Variants in ECPAS observed in about 807,000 individuals in gnomAD.
ECPAS encodes the protein Ecm29 proteasome adaptor and scaffold, also known as proteasome adapter and scaffold protein ECM29.
ECPAS carries 70 observed loss-of-function variants against 255.1 expected under a neutral mutation model. That is an observed-to-expected ratio of 0.27 (90% CI 0.23 to 0.33). The LOEUF (loss-of-function observed/expected upper bound fraction) is 0.33. Ranked by LOEUF, ECPAS falls within the 10% of genes least tolerant of loss-of-function variation. The pLI, the probability that ECPAS is intolerant of heterozygous loss-of-function variation, is 1.00. For missense variants in ECPAS, 1,817 were observed against 2,206.4 expected, an observed-to-expected ratio of 0.82 and a Z score of 3.54; for synonymous variants, 784 against 775.0, an observed-to-expected ratio of 1.01 and a Z score of -0.19.
At chr9:111,399,263 C>T (rs1306179998) in intron 24 of ECPAS, among the ~76,000 whole-genome samples, 2 of 152,048 alleles carry the variant, frequency 1.3e-5, no homozygotes, top group Non-Finnish European at 2.9e-5. Flanking sequence ...ACTGAACTAT[C>T]CACCAAAAAA....
chr9:111,484,030 G>T, intron 1 of ECPAS, 86 bp downstream of exon 1: 1 of 1,049,638 alleles, frequency 9.5e-7, no homozygotes. Flanking sequence ...GACTCGACAC[G>T]CGGCGGCCTG....
intron 2 of ECPAS, among the ~76,000 whole-genome samples, chr9:111,459,855 C>T (rs1024046287): frequency 1.1e-4 from 16 of 152,196 alleles, no homozygotes; most frequent in African/African-American, 2.9e-4. Flanking sequence ...CTTATGAATT[C>T]GCTGGTAAAT....
Position 111,372,452 on chromosome 9 carries a change from T to C in ECPAS, c.4505A>G (p.Glu1502Gly). 6.2e-7 allele frequency: 1 copy of C among 1,613,792 alleles called. No individual in the cohort carries two copies. The highest frequency in any genetic ancestry group is 8.5e-7 in the Non-Finnish European group (1 of 1,179,754). ...SEKEECNLWTEVWQENVPGSF... is the reference protein window; with the variant it reads ...SEKEECNLWTGVWQENVPGSF... ...ACCAGGTACGTTTTCCTGCCACACT[T>C]CGGTCCATAAATTACATTCTTCTTT... is the stretch of plus-strand genomic sequence containing the variant. Residue 1502 changes from glutamate (E) to glycine (G), a missense_variant, in exon 42 of 50, where the codon GAA (glutamate) becomes GGA (glycine). Glu to Gly is a moderately conservative substitution (Grantham distance 98). This residue lies in a region of ECPAS where 960 missense variants were observed against 1,179.0 expected (regional missense o/e 0.81). Transcript: ENST00000684092.
At chr9:111,406,621 G>A (rs532755263) in intron 24 of ECPAS, among the ~76,000 whole-genome samples, 1 of 149,834 alleles carries the variant, frequency 6.7e-6, no homozygotes, top group East Asian at 2.0e-4. Flanking sequence ...AATTAAAAAT[G>A]GGCGAGGCAC....
Position 111,373,234 on chromosome 9 carries a change from G to A in ECPAS, c.4272C>T (p.Thr1424=), listed in dbSNP as rs777150240. ...GTTTTTCAGTGCTGCTATCCCGTGA[G>A]GTCTGAAAAAGAAACAATCCTAAGT... The part of the protein sequence containing the change: ...CAFAMGHLVR[T]SRDSSTEKLL... The change falls in exon 41 of 50, where the codon ACC becomes ACT. Residue 1424 remains threonine, a splice_region_variant and synonymous_variant. Coordinates refer to ENST00000684092, the MANE Select transcript of ECPAS (RefSeq NM_001364929.1). 4.3e-6 allele frequency: 7 copies of A among 1,613,502 alleles called. No homozygotes were observed. The South Asian group carries it at 7.7e-5, about 18-fold the overall frequency.
intron 4 of ECPAS, among the ~76,000 whole-genome samples, chr9:111,442,823 A>C (rs1378501472): frequency 1.3e-5 from 2 of 152,140 alleles, no homozygotes; most frequent in African/African-American, 4.8e-5. Context: ...CTAGGCTGCC[A>C]TTTCCCACTG....
At chr9:111,382,008 A>AACACACACAC (rs72204951) in intron 35 of ECPAS, among the ~76,000 whole-genome samples, 236 of 147,118 alleles carry the variant, frequency 1.6e-3, no homozygotes, top group African/African-American at 5.4e-3. Context: ...AATTTTGTAA[A>AACACACACAC]ACACACACAC....
chr9:111,432,547 G>A (rs1302280773), intron 8 of ECPAS, among the ~76,000 whole-genome samples: 1 of 152,218 alleles, frequency 6.6e-6, no homozygotes, highest in African/African-American at 2.4e-5. Context: ...CTGGTAGGTG[G>A]AGGTTGCAGT....
In ECPAS at chr9:111,474,445, C is replaced by A. The variant is rs552095377; in HGVS notation, c.-82-1445G>T. On this transcript the variant is annotated intron_variant, in intron 1 of 49. Coordinates refer to ENST00000684092, the MANE Select transcript of ECPAS (RefSeq NM_001364929.1). Reference sequence around the variant, plus strand: ...GCCAAATCCACTTCCACTGTCCCAACTCAGACCCTAAGTTTCTTTTTACTT... The same window carrying A: ...GCCAAATCCACTTCCACTGTCCCAAATCAGACCCTAAGTTTCTTTTTACTT... 2.6e-5 allele frequency among the ~76,000 whole-genome samples: 4 copies of A among 152,354 alleles called. No homozygotes were observed. In the East Asian group the frequency reaches 5.8e-4, roughly 22 times the overall value.
chr9:111,418,093 G>A (rs1479277558), intron 16 of ECPAS, 87 bp from the exon 17 acceptor site: 8 of 1,224,254 alleles, frequency 6.5e-6, no homozygotes, highest in Non-Finnish European at 8.8e-6. Flanking sequence ...AATTTTATTT[G>A]GCAGCTAGAG....
Position 111,425,430 on chromosome 9 carries a change from A to C in ECPAS, c.1203T>G (p.Asn401Lys), listed in dbSNP as rs28567650. The C allele has an allele frequency of 6.3e-7, 1 of 1,590,208 alleles. No homozygotes were observed. Among genetic ancestry groups the C allele is most frequent in the Non-Finnish European group, 8.5e-7 (1 of 1,170,002 alleles). ...MLLNGLTKLI[N>K]EYKEDPKLLS... ...ACAAGTCACTTACCTCTTTGTATTC[A>C]TTGATTAGCTTGGTGAGGCCATTCA... Residue 401 changes from asparagine (N) to lysine (K), a missense_variant, in exon 12 of 50, where the codon AAT (asparagine) becomes AAG (lysine). Physicochemically the swap from Asn to Lys is moderately conservative, Grantham distance 94. Transcript: ENST00000684092.
chr9:111,387,381 G>A (rs1310325237), intron 31 of ECPAS, among the ~76,000 whole-genome samples: 1 of 151,768 alleles, frequency 6.6e-6, no homozygotes, highest in Non-Finnish European at 1.5e-5. Context: ...GAGGGACAGA[G>A]TCTCACTCAT....
intron 3 of ECPAS, among the ~76,000 whole-genome samples, chr9:111,446,852 G>C (rs1319692827): frequency 6.6e-6 from 1 of 152,118 alleles, no homozygotes; most frequent in African/African-American, 2.4e-5. Context: ...TCACATCAGC[G>C]AAAGTGTTTG....
At position 111,376,558 on chromosome 9, in the gene ECPAS, A is replaced by G. The variant is rs1404963177; in HGVS notation, c.3955-17T>C. ...CATCGCAGCCTAAAGAAGAGAAATT[A>G]AAGTCACCCGGCACATTCAATTAAT... On this transcript the variant is annotated splice_polypyrimidine_tract_variant and intron_variant, in intron 36 of 49. Transcript: ENST00000684092. 3 of 1,579,416 alleles carry G rather than the reference A, an allele frequency of 1.9e-6. No homozygotes were observed. The highest frequency in any genetic ancestry group is 2.6e-6 in the Non-Finnish European group (3 of 1,160,092).
intron 1 of ECPAS, among the ~76,000 whole-genome samples, chr9:111,482,937 G>A (rs1038431673): frequency 6.6e-6 from 1 of 152,198 alleles, no homozygotes; most frequent in Non-Finnish European, 1.5e-5. Flanking sequence ...TCTCCTTTCT[G>A]AAAGCGCTGT....
At chr9:111,422,329 G>A (rs1402159609) in intron 13 of ECPAS, 129 bp from the exon 14 acceptor site, 5 of 891,454 alleles carry the variant, frequency 5.6e-6, no homozygotes, top group Admixed American at 2.8e-5. Context: ...CCCGCTCTGA[G>A]AGCCAAAAAT....
At position 111,375,062 on chromosome 9, in the gene ECPAS, T is replaced by C. The variant is rs143047492; in HGVS notation, c.4110+51A>G. The C allele has an allele frequency of 5.7e-3, 7,508 of 1,322,188 alleles. 74 individuals are homozygous for C. The highest frequency in any genetic ancestry group is 5.0e-3 in the Non-Finnish European group (4,570 of 914,946). The allele number at this position is 1,322,188 out of a possible 1,614,324, so 81.9% of individuals were successfully genotyped here. On this transcript the variant is annotated intron_variant, in intron 38 of 49. Transcript: ENST00000684092. The stretch of plus-strand genomic sequence containing the variant: ...AAACATGATGGCTGTTATATCCTTA[T>C]GGCCAGAACTAATGAAGATGCACAT...
Position 111,391,833 on chromosome 9 carries a change from A to AAAC in ECPAS, c.3093-12_3093-10dup. On this transcript the variant is annotated splice_polypyrimidine_tract_variant and intron_variant, in intron 28 of 49. Transcript: ENST00000684092. ...AAACTTCATGTTTAACTCTAAACCA[A>AAAC]AACAATAATTTCAATAAGCTTCAAG... is the stretch of plus-strand genomic sequence containing the variant. 2 of 1,576,500 alleles carry AAAC rather than the reference A, an allele frequency of 1.3e-6. No homozygotes were observed. Among genetic ancestry groups the AAAC allele is most frequent in the Non-Finnish European group, 1.7e-6 (2 of 1,151,904 alleles).
At position 111,361,951 on chromosome 9, in the gene ECPAS, T is replaced by TC; in HGVS notation, c.*78dup. The TC allele has an allele frequency of 6.6e-7, 1 of 1,519,802 alleles. No homozygotes were observed. The highest frequency in any genetic ancestry group is 8.9e-7 in the Non-Finnish European group (1 of 1,125,866). The allele number at this position is 1,519,802 out of a possible 1,614,324, so 94.1% of individuals were successfully genotyped here. A position where few individuals can be genotyped will look rare whatever the true frequency, so the allele number is the denominator to read the frequency against. On this transcript the variant is annotated 3_prime_UTR_variant, in exon 50 of 50. Transcript: ENST00000684092. ...ATGCTACAGATTAATCTTTACTTTT[T>TC]CCCACTTGGTTTTTCAAAGAACACC...
Sources: allele counts gnomAD v4.1 joint callset (sites outside exome capture counted in the v4.1 genomes callset), GRCh38; gene constraint gnomAD v4.1.1; regional missense constraint gnomAD v4.1.1; transcripts MANE v1.5; gene names NCBI Gene and HGNC (gene_info 2026-07-23, HGNC 2026-07-21).